Variants in CCDC192 observed in about 807,000 individuals in gnomAD.
CCDC192 encodes the protein coiled-coil domain-containing protein 192.
At chr5:127,703,235 C>G (rs1750778994), upstream of CCDC192, among the ~76,000 whole-genome samples, 1 of 152,196 alleles carries the variant, frequency 6.6e-6, no homozygotes, top group African/African-American at 2.4e-5. Context: ...ATTCTCATGC[C>G]TGGATCTGAT....
chr5:127,741,121 C>T (rs79989143), intron 2 of CCDC192, among the ~76,000 whole-genome samples: 17,609 of 152,076 alleles, frequency 0.12, 2,204 homozygotes, highest in African/African-American at 0.29. Context: ...AGTGCAGTGG[C>T]GTAATCTCGG....
chr5:127,892,717 A>C (rs1354512710), intron 6 of CCDC192, among the ~76,000 whole-genome samples: 1 of 152,196 alleles, frequency 6.6e-6, no homozygotes, highest in Non-Finnish European at 1.5e-5. Flanking sequence ...AATAATTATG[A>C]ATTTAAATAA....
chr5:127,864,949 C>T (rs912932189), intron 5 of CCDC192, among the ~76,000 whole-genome samples: 9 of 152,146 alleles, frequency 5.9e-5, no homozygotes, highest in Non-Finnish European at 1.2e-4. Context: ...AGATTGAGGC[C>T]ATCCTGGCTA....
chr5:127,932,402 C>T (rs931596802), intron 6 of CCDC192, among the ~76,000 whole-genome samples: 1 of 151,798 alleles, frequency 6.6e-6, no homozygotes, highest in African/African-American at 2.4e-5. Flanking sequence ...CAGGGTTTCT[C>T]CATGTTGGTC....
intron 2 of CCDC192, among the ~76,000 whole-genome samples, chr5:127,735,024 A>G (rs1335920934): frequency 7.4e-6 from 1 of 134,914 alleles, no homozygotes; most frequent in Non-Finnish European, 1.6e-5. Context: ...CTGAATGGTA[A>G]TGCCTAGGTT....
intron 5 of CCDC192, among the ~76,000 whole-genome samples, chr5:127,840,105 T>C (rs145043967): frequency 6.6e-6 from 1 of 152,102 alleles, no homozygotes; most frequent in South Asian, 2.1e-4. Context: ...ATTTGAGAGG[T>C]CTGAGGGTGG....
chr5:127,765,123 A>G (rs1000887634), intron 3 of CCDC192, among the ~76,000 whole-genome samples: 5 of 152,198 alleles, frequency 3.3e-5, no homozygotes, highest in Non-Finnish European at 7.3e-5. Flanking sequence ...GCACTCTTAA[A>G]TGATCTTTAA....
rs1352383762 is a variant in CCDC192, at chr5:127,726,235, A to T, written c.114+18475A>T. Among the ~76,000 whole-genome samples the T allele has an allele frequency of 2.0e-5, 3 of 152,158 alleles. 1 individual carries two copies. The East Asian group carries it at 5.8e-4, about 29-fold the overall frequency. On this transcript the variant is annotated intron_variant, in intron 2 of 6. Coordinates refer to ENST00000514853, the MANE Select transcript of CCDC192 (RefSeq NM_001317938.2). ...AAATAATAAAATTCACAAAATATCA[A>T]TTTTTACAGATAGAACTGCTCAAAA...
At chr5:127,885,585 A>G (rs554684351) in intron 6 of CCDC192, among the ~76,000 whole-genome samples, 1 of 152,176 alleles carries the variant, frequency 6.6e-6, no homozygotes, top group South Asian at 2.1e-4. Context: ...GTTTCCTTAT[A>G]GGAGGTTAAG....
At chr5:127,861,509 G>A (rs2127105422) in intron 5 of CCDC192, among the ~76,000 whole-genome samples, 1 of 151,838 alleles carries the variant, frequency 6.6e-6, no homozygotes, top group Middle Eastern at 3.4e-3. Flanking sequence ...ACAAAAATTA[G>A]CCAGGCATGA....
At chr5:127,875,426 TTCATC>T (rs915132023) in intron 5 of CCDC192, 107 bp from the exon 6 acceptor site, 10 of 390,968 alleles carry the variant, frequency 2.6e-5, no homozygotes, top group African/African-American at 2.1e-4. Context: ...CAGGGAGTGT[TTCATC>T]TAAGCAGGCT....
At chr5:127,881,259 A>C (rs993593991) in intron 6 of CCDC192, among the ~76,000 whole-genome samples, 1 of 152,204 alleles carries the variant, frequency 6.6e-6, no homozygotes. Context: ...TGTTGTAACA[A>C]TTATATGGCA....
chr5:127,718,197 GA>G (rs902883598), intron 2 of CCDC192, among the ~76,000 whole-genome samples: 9 of 151,672 alleles, frequency 5.9e-5, no homozygotes, highest in African/African-American at 1.5e-4. Flanking sequence ...AAATGTATAA[GA>G]AAAAAAAGGT....
At chr5:127,910,931 A>G (rs1753327744) in intron 6 of CCDC192, among the ~76,000 whole-genome samples, 1 of 152,138 alleles carries the variant, frequency 6.6e-6, no homozygotes, top group Non-Finnish European at 1.5e-5. Context: ...AGCTTCATGC[A>G]TTGTGTAATT....
At chr5:127,906,557 G>C (rs1007684602) in intron 6 of CCDC192, among the ~76,000 whole-genome samples, 1 of 152,094 alleles carries the variant, frequency 6.6e-6, no homozygotes, top group Admixed American at 6.6e-5. Flanking sequence ...AGGCTGAGGG[G>C]GGTGGATCAC....
intron 2 of CCDC192, among the ~76,000 whole-genome samples, chr5:127,710,969 A>G (rs1751298116): frequency 6.6e-6 from 1 of 152,174 alleles, no homozygotes; most frequent in Admixed American, 6.5e-5. Context: ...AATGTTATTT[A>G]AACTATTGCT....
intron 5 of CCDC192, among the ~76,000 whole-genome samples, chr5:127,800,393 A>AC (rs1239317824): frequency 1.1e-4 from 15 of 139,382 alleles, no homozygotes; most frequent in Admixed American, 1.5e-4. Context: ...AAAAAAAAAA[A>AC]AAAAAAAACA....
chr5:127,765,197 T>C (rs1398104426), intron 3 of CCDC192, among the ~76,000 whole-genome samples: 1 of 152,218 alleles, frequency 6.6e-6, no homozygotes, highest in Admixed American at 6.5e-5. Context: ...TTATTATTCT[T>C]TTCTACTATC....
At chr5:127,753,392 A>G (rs1036458867) in intron 2 of CCDC192, among the ~76,000 whole-genome samples, 1 of 152,162 alleles carries the variant, frequency 6.6e-6, no homozygotes, top group African/African-American at 2.4e-5. Flanking sequence ...TAGCTGAGAA[A>G]AAGTAACTTT....
Sources: gnomAD v4.1 joint callset for allele counts (sites outside exome capture counted in the v4.1 genomes callset) on GRCh38, gnomAD v4.1.1 for gene constraint, MANE v1.5 for transcripts, NCBI Gene and HGNC (gene_info 2026-07-23, HGNC 2026-07-21) for gene names.